The following SLC25A21 variants were observed in gnomAD, a reference collection of about 807,000 sequenced individuals.
The protein encoded by SLC25A21 is solute carrier family 25 member 21, also known as mitochondrial 2-oxodicarboxylate carrier.
Under a neutral mutation model 43.8 loss-of-function variants are expected in SLC25A21, and 47 were observed. That is an observed-to-expected ratio of 1.07 (90% CI 0.85 to 1.37). SLC25A21 has a LOEUF of 1.37. Among genes scored for constraint, SLC25A21 ranks in the 40% most tolerant of loss-of-function variants. The pLI, the probability that SLC25A21 is intolerant of heterozygous loss-of-function variation, is 0.00. For missense variants in SLC25A21, 352 were observed against 350.2 expected (o/e 1.00, Z -0.04); for synonymous variants, 131 against 121.3 (o/e 1.08, Z -0.52).
At chr14:36,735,250 T>A (rs1884984276) in intron 3 of SLC25A21, among the ~76,000 whole-genome samples, 1 of 152,144 alleles carries the variant, frequency 6.6e-6, no homozygotes, top group Non-Finnish European at 1.5e-5. Flanking sequence ...GGCAACATGG[T>A]CAGATATTTT....
chr14:37,073,207 A>G (rs1962209516), intron 1 of SLC25A21, among the ~76,000 whole-genome samples: 1 of 152,238 alleles, frequency 6.6e-6, no homozygotes, highest in South Asian at 2.1e-4. Flanking sequence ...AATGGTGAGT[A>G]GCTGAGACCA....
chr14:37,148,609 A>T (rs1963707775), intron 1 of SLC25A21, among the ~76,000 whole-genome samples: 1 of 152,242 alleles, frequency 6.6e-6, no homozygotes, highest in Non-Finnish European at 1.5e-5. Flanking sequence ...ATATATAAGC[A>T]AAACAGGTCT....
intron 1 of SLC25A21, among the ~76,000 whole-genome samples, chr14:37,110,676 GT>G (rs1963002270): frequency 6.6e-6 from 1 of 151,990 alleles, no homozygotes; most frequent in Non-Finnish European, 1.5e-5. Context: ...CTATAACTTG[GT>G]TTCATAAGGG....
intron 1 of SLC25A21, among the ~76,000 whole-genome samples, chr14:37,033,988 A>G (rs922794039): frequency 6.6e-6 from 1 of 151,720 alleles, no homozygotes; most frequent in Non-Finnish European, 1.5e-5. Flanking sequence ...AAATGGCACT[A>G]TGATATTCTG....
chr14:36,789,051 T>C (rs1014352307), intron 3 of SLC25A21, among the ~76,000 whole-genome samples: 1 of 152,252 alleles, frequency 6.6e-6, no homozygotes, highest in Non-Finnish European at 1.5e-5. Flanking sequence ...GTTGTTTTTG[T>C]ATTTTATTTC....
intron 1 of SLC25A21, among the ~76,000 whole-genome samples, chr14:37,138,491 A>G (rs1324130152): frequency 1.3e-5 from 2 of 152,272 alleles, no homozygotes; most frequent in Admixed American, 6.5e-5. Context: ...TCCATAGCAA[A>G]GTGATTTTTA....
intron 1 of SLC25A21, among the ~76,000 whole-genome samples, chr14:37,150,078 C>T (rs903031881): frequency 1.3e-5 from 2 of 152,102 alleles, no homozygotes; most frequent in African/African-American, 4.8e-5. Flanking sequence ...TACATATACC[C>T]AATTTCTTAT....
intron 1 of SLC25A21, among the ~76,000 whole-genome samples, chr14:36,917,821 A>C (rs1233167005): frequency 6.6e-6 from 1 of 152,216 alleles, no homozygotes; most frequent in Non-Finnish European, 1.5e-5. Flanking sequence ...TCAGTAGAAA[A>C]GATTAAAAAT....
At chr14:37,114,299 C>T (rs1963069564) in intron 1 of SLC25A21, among the ~76,000 whole-genome samples, 1 of 152,078 alleles carries the variant, frequency 6.6e-6, no homozygotes, top group South Asian at 2.1e-4. Context: ...CACATTAAGC[C>T]CTAATTTGAA....
At chr14:36,859,968 C>A (rs2138529724) in intron 2 of SLC25A21, among the ~76,000 whole-genome samples, 1 of 152,200 alleles carries the variant, frequency 6.6e-6, no homozygotes, top group African/African-American at 2.4e-5. Context: ...GTTCAACACT[C>A]TTGTAGGCAC....
chr14:37,133,142 T>TGCGCGC (rs954533175), intron 1 of SLC25A21, among the ~76,000 whole-genome samples: 13 of 105,168 alleles, frequency 1.2e-4, no homozygotes, highest in African/African-American at 7.7e-4. Flanking sequence ...TGTGCACTCG[T>TGCGCGC]GCACACACAC....
At chr14:36,778,385 T>G (rs550355678) in intron 3 of SLC25A21, among the ~76,000 whole-genome samples, 38 of 152,192 alleles carry the variant, frequency 2.5e-4, no homozygotes, top group Non-Finnish European at 5.0e-4. Context: ...CACCAAGAAA[T>G]GAATGAGCTA....
chr14:36,794,992 C>T (rs1187528122), intron 3 of SLC25A21, among the ~76,000 whole-genome samples: 1 of 151,940 alleles, frequency 6.6e-6, no homozygotes, highest in Non-Finnish European at 1.5e-5. Context: ...GACTTGGTGG[C>T]CACTAGACCA....
chr14:36,806,801 A>AC (rs146870662), intron 3 of SLC25A21: 21,435 of 151,860 alleles, frequency 0.14, 2,127 homozygotes, highest in East Asian at 0.32. Flanking sequence ...TTGTCCCCCA[A>AC]CCCCCAACCC....
chr14:37,106,581 A>G (rs1357032318), intron 1 of SLC25A21, among the ~76,000 whole-genome samples: 3 of 152,112 alleles, frequency 2.0e-5, no homozygotes, highest in Non-Finnish European at 4.4e-5. Flanking sequence ...AAGACAATAC[A>G]AGCACCACTG....
intron 1 of SLC25A21, among the ~76,000 whole-genome samples, chr14:36,996,083 C>T (rs1257428587): frequency 6.6e-6 from 1 of 152,162 alleles, no homozygotes; most frequent in Non-Finnish European, 1.5e-5. Context: ...TCCTATACTA[C>T]CTCTCCAACT....
Position 36,701,306 on chromosome 14 carries a change from C to T in SLC25A21, c.603+10012G>A, listed in dbSNP as rs143870459. Among the ~76,000 whole-genome samples the T allele has an allele frequency of 5.1e-3, 782 of 152,252 alleles. 9 individuals are homozygous for T. Among genetic ancestry groups the T allele is most frequent in the African/African-American group, 0.018 (744 of 41,550 alleles). ...TCATGCGAGATAATTTAGGGAAATG[C>T]TAGCTCCCCACTCCACAGAAGGTCA... On this transcript the variant is annotated intron_variant, in intron 7 of 9. Coordinates refer to ENST00000331299, the MANE Select transcript of SLC25A21 (RefSeq NM_030631.4).
chr14:36,846,630 C>T (rs1001381942), intron 2 of SLC25A21, among the ~76,000 whole-genome samples: 13 of 152,318 alleles, frequency 8.5e-5, no homozygotes, highest in Middle Eastern at 3.4e-3. Flanking sequence ...GATCCACCTG[C>T]TTCAGCCTCC....
intron 6 of SLC25A21, among the ~76,000 whole-genome samples, chr14:36,712,677 A>C (rs1328160414): frequency 6.6e-6 from 1 of 152,228 alleles, no homozygotes; most frequent in Non-Finnish European, 1.5e-5. Flanking sequence ...CCATTAATTT[A>C]AGGGAACTAA....
Sources: gnomAD v4.1 joint callset for allele counts (sites outside exome capture counted in the v4.1 genomes callset) on GRCh38, gnomAD v4.1.1 for gene constraint, MANE v1.5 for transcripts, NCBI Gene and HGNC (gene_info 2026-07-23, HGNC 2026-07-21) for gene names.